Variants in PCNX2 observed in about 807,000 individuals in gnomAD.
PCNX2 encodes pecanex-like protein 2.
Under a neutral mutation model 223.8 loss-of-function variants are expected in PCNX2, and 168 were observed. The observed-to-expected ratio is 0.75, with a 90% CI of 0.66 to 0.85. The LOEUF is 0.85. Ranked by LOEUF, PCNX2 falls within the 40% of genes least tolerant of loss-of-function variation. PCNX2 has a pLI of 0.00. For synonymous variants in PCNX2, 1,006 were observed against 1,052.6 expected, an observed-to-expected ratio of 0.96 and a Z score of 0.86; for missense variants, 2,507 against 2,675.5, an observed-to-expected ratio of 0.94 and a Z score of 1.39.
At chr1:233,155,147 T>C (rs960822384) in intron 19 of PCNX2, among the ~76,000 whole-genome samples, 1 of 151,200 alleles carries the variant, frequency 6.6e-6, no homozygotes, top group Non-Finnish European at 1.5e-5. Flanking sequence ...GGCTATTCAA[T>C]AGGCACTATC....
Position 233,000,351 on chromosome 1 carries a change from T to C in PCNX2, c.5282A>G (p.Lys1761Arg). ...GAAGCTTCTGTGGAGCATGATGACC[T>C]TGTACTCGTCGGCACCCTCGTCCAC... ...HVVDEGADEY[K>R]VIMLHRSFLS... The change falls in exon 30 of 34, where the codon AAG (lysine) becomes AGG (arginine). Residue 1761 changes from lysine to arginine, a missense_variant. Physicochemically the swap from Lys to Arg is conservative, Grantham distance 26. Coordinates refer to ENST00000258229, the MANE Select transcript of PCNX2 (RefSeq NM_014801.4). This position sits in a 1 kb window ranked among gnomAD's most constrained non-coding sequence, Gnocchi z 4.6. The C allele has an allele frequency of 6.2e-7, 1 of 1,613,850 alleles. No individual in the cohort carries two copies. The highest frequency in any genetic ancestry group is 8.5e-7 in the Non-Finnish European group (1 of 1,179,834).
chr1:233,130,967 ACT>A (rs768902839), intron 21 of PCNX2, among the ~76,000 whole-genome samples: 1 of 151,258 alleles, frequency 6.6e-6, no homozygotes, highest in African/African-American at 2.4e-5. Context: ...CTTTGATCTC[ACT>A]CTCTCACTAA....
chr1:233,195,016 C>CA (rs574552463), intron 15 of PCNX2, among the ~76,000 whole-genome samples: 8,648 of 63,030 alleles, frequency 0.14, 969 homozygotes, highest in African/African-American at 0.34. Context: ...GATTCCATCT[C>CA]AAAAAAAAAA....
intron 23 of PCNX2, among the ~76,000 whole-genome samples, chr1:233,081,050 A>T (rs1458924931): frequency 6.6e-6 from 1 of 152,198 alleles, no homozygotes; most frequent in Non-Finnish European, 1.5e-5. Context: ...CACCCATTTA[A>T]AAAGCTACCA....
intron 26 of PCNX2, among the ~76,000 whole-genome samples, chr1:233,023,112 G>C (rs72632857): frequency 6.6e-6 from 1 of 152,014 alleles, no homozygotes; most frequent in Admixed American, 6.5e-5. Flanking sequence ...CTTGCTTCAC[G>C]GGCCTGTGAG....
chr1:233,307,447 A>C, the PCNX2 span, among the ~76,000 whole-genome samples: 1 of 152,168 alleles, frequency 6.6e-6, no homozygotes, highest in Admixed American at 6.5e-5. Context: ...TTCTGTCATG[A>C]GTGGAAGCAG....
At chr1:233,248,842 C>T (rs965692508) in intron 8 of PCNX2, among the ~76,000 whole-genome samples, 1 of 152,150 alleles carries the variant, frequency 6.6e-6, no homozygotes, top group Non-Finnish European at 1.5e-5. Context: ...GTCCATCACC[C>T]GCGCAGCACC....
intron 21 of PCNX2, among the ~76,000 whole-genome samples, chr1:233,134,568 A>C (rs1302033263): frequency 1.3e-5 from 2 of 151,880 alleles, no homozygotes; most frequent in Non-Finnish European, 2.9e-5. Flanking sequence ...AAAGGAAAGC[A>C]GGAAGGCAGA....
chr1:233,025,542 TC>T, intron 25 of PCNX2, 143 bp from the exon 26 acceptor site: 1 of 1,023,124 alleles, frequency 9.8e-7, no homozygotes, highest in Non-Finnish European at 1.4e-6. Flanking sequence ...CTCAAATAAG[TC>T]CCCCAAAGAA....
At chr1:233,005,725 G>A (rs1558157190) in intron 28 of PCNX2, among the ~76,000 whole-genome samples, 1 of 152,170 alleles carries the variant, frequency 6.6e-6, no homozygotes, top group Non-Finnish European at 1.5e-5. Context: ...CGGGGGTGGC[G>A]GGCAGCAGAG....
rs1670695200 is a variant in PCNX2, at chr1:233,017,018, T to A, written c.4742A>T (p.Asp1581Val). ...RDLAMFNINI[D>V]DDYVPCLQGI... ...CTGGAGACACGGGACGTAGTCATCA[T>A]CAATGTTAATGTTGAACATTGCAAG... Residue 1581 changes from aspartate (D) to valine (V), a missense_variant, in exon 27 of 34, where the codon GAT (aspartate) becomes GTT (valine). Coordinates refer to ENST00000258229, the MANE Select transcript of PCNX2 (RefSeq NM_014801.4). 4 of 1,613,996 alleles carry A rather than the reference T, an allele frequency of 2.5e-6. No homozygotes were observed. The highest frequency in any genetic ancestry group is 3.4e-6 in the Non-Finnish European group (4 of 1,179,886).
chr1:232,995,880 C>T (rs1571990555), intron 32 of PCNX2, among the ~76,000 whole-genome samples: 1 of 152,000 alleles, frequency 6.6e-6, no homozygotes, highest in Non-Finnish European at 1.5e-5. Flanking sequence ...CCAATTTCTT[C>T]CCCCTCCTCT....
chr1:233,163,202 T>C (rs1325771119), intron 17 of PCNX2, among the ~76,000 whole-genome samples: 1 of 152,110 alleles, frequency 6.6e-6, no homozygotes, highest in African/African-American at 2.4e-5. Context: ...GTGCACAACT[T>C]AGGCCGGGCG....
rs1355719976 is a variant in PCNX2, at chr1:233,179,124, G to A, written c.3118C>T (p.Leu1040Phe). Residue 1040 changes from leucine to phenylalanine, a missense_variant, in exon 16 of 34, where the codon CTC becomes TTC. Leu to Phe is a conservative substitution (Grantham distance 22). Transcript: ENST00000258229. ...IPALFSAFCG[L>F]LVALSYHLSR... is the part of the protein sequence containing the mutation. ...AGATGGTAAGAAAGGGCGACCAAGA[G>A]GCCACAGAAGGCCGAAAACAGTGCC... is the stretch of plus-strand genomic sequence containing the variant. 5.6e-6 allele frequency: 9 copies of A among 1,613,938 alleles called. No homozygotes were observed. The highest frequency in any genetic ancestry group is 7.6e-6 in the Non-Finnish European group (9 of 1,179,860).
At chr1:233,231,760 G>T in intron 9 of PCNX2, 1 of 709,682 alleles carries the variant, frequency 1.4e-6, no homozygotes, top group Non-Finnish European at 1.7e-6. Flanking sequence ...TAGGGACTCT[G>T]GTGTTAGAAA....
chr1:233,081,691 T>C (rs778060121), intron 23 of PCNX2, among the ~76,000 whole-genome samples: 3 of 152,220 alleles, frequency 2.0e-5, no homozygotes, highest in Non-Finnish European at 4.4e-5. Flanking sequence ...GTGATGAGTA[T>C]GAAAACTCAA....
At chr1:232,994,971 G>A (rs1481614396) in intron 32 of PCNX2, among the ~76,000 whole-genome samples, 1 of 152,176 alleles carries the variant, frequency 6.6e-6, no homozygotes, top group Non-Finnish European at 1.5e-5. Flanking sequence ...TTGTAGCAGT[G>A]TGAAAACAGA....
At chr1:233,134,558 A>AAAGG (rs148347873) in intron 21 of PCNX2, among the ~76,000 whole-genome samples, 3,005 of 152,114 alleles carry the variant, frequency 0.02, 37 homozygotes, top group East Asian at 0.051. Context: ...ACAGAAGAAA[A>AAAGG]AAGGAAAGCA....
At chr1:233,210,678 A>C in intron 12 of PCNX2, 2 of 980,578 alleles carry the variant, frequency 2.0e-6, no homozygotes, top group Non-Finnish European at 2.4e-6. Flanking sequence ...CAAATCTCCT[A>C]AGGACTGATT....
Sources: gnomAD v4.1 joint callset for allele counts (sites outside exome capture counted in the v4.1 genomes callset) on GRCh38, gnomAD v4.1.1 for gene constraint, Gnocchi (gnomAD v3.1) non-coding constraint, MANE v1.5 for transcripts, NCBI Gene and HGNC (gene_info 2026-07-23, HGNC 2026-07-21) for gene names.